The following JPH2 variants were observed in gnomAD, a reference collection of about 807,000 sequenced individuals.
JPH2 encodes the protein junctophilin 2, also known as junctophilin-2.
JPH2 carries 38 observed loss-of-function variants against 55.9 expected under a neutral mutation model. The ratio of observed to expected loss-of-function variants is 0.68; its 90% CI spans 0.52 to 0.89. JPH2 has a LOEUF of 0.89. JPH2 is among the 40% of genes least tolerant of loss of function. JPH2 has a pLI of 0.00. For missense variants in JPH2, 964 were observed against 1,037.6 expected (o/e 0.93, Z 0.97); for synonymous variants, 480 against 472.4 (o/e 1.02, Z -0.21).
In JPH2 at chr20:44,115,751, C is replaced by A; in HGVS notation, c.1924G>T (p.Ala642Ser). The change falls in exon 4 of 6, where the codon GCT (alanine) becomes TCT (serine). Residue 642 changes from alanine to serine, a missense_variant. Physicochemically the swap from Ala to Ser is moderately conservative, Grantham distance 99. Transcript: ENST00000372980. ...EPRAKARKTE[A>S]RGLTKAGAKK... Reference sequence around the variant, plus strand: ...GCCCCCGCCTTGGTCAGCCCTCGAGCCTCAGTCTTGCGGGCCTTGGCCCTG... The same window carrying A: ...GCCCCCGCCTTGGTCAGCCCTCGAGACTCAGTCTTGCGGGCCTTGGCCCTG... 6.2e-7 allele frequency: 1 copy of A among 1,613,200 alleles called. No individual in the cohort carries two copies. Among genetic ancestry groups the A allele is most frequent in the Non-Finnish European group, 8.5e-7 (1 of 1,179,974 alleles).
chr20:44,163,274 C>A (rs1052520358), intron 1 of JPH2, among the ~76,000 whole-genome samples: 1 of 152,132 alleles, frequency 6.6e-6, no homozygotes, highest in Non-Finnish European at 1.5e-5. Context: ...ATTGGGTGAC[C>A]TTGGCAATTC....
intron 1 of JPH2, among the ~76,000 whole-genome samples, chr20:44,170,233 C>A (rs1458073475): frequency 5.9e-5 from 9 of 152,252 alleles, no homozygotes; most frequent in Middle Eastern, 6.8e-3. Context: ...CTTCATAGCC[C>A]AGTTTCAAAC....
intron 2 of JPH2, among the ~76,000 whole-genome samples, chr20:44,130,741 C>T (rs191473159): frequency 4.8e-4 from 73 of 152,332 alleles, no homozygotes; most frequent in Non-Finnish European, 8.4e-4. Flanking sequence ...AGCAACAGTG[C>T]GCTGACGTCA....
In JPH2 at chr20:44,113,473, G is replaced by C. The variant is rs779621273; in HGVS notation, c.*45C>G. The stretch of plus-strand genomic sequence containing the variant: ...CCTGCCTGGCACTGCAAAAAGACGG[G>C]TCCTCATGTCCTCAGCAGGAACTTC... On this transcript the variant is annotated 3_prime_UTR_variant, in exon 6 of 6. Coordinates refer to ENST00000372980, the MANE Select transcript of JPH2 (RefSeq NM_020433.5). 1 of 152,138 alleles carries C rather than the reference G, an allele frequency of 6.6e-6. No individual in the cohort carries two copies. The highest frequency in any genetic ancestry group is 1.5e-5 in the Non-Finnish European group (1 of 68,102). 9.4% of individuals were successfully genotyped at this position (152,138 alleles called of 1,614,324 possible).
intron 2 of JPH2, among the ~76,000 whole-genome samples, chr20:44,123,659 T>A (rs1435885451): frequency 6.6e-6 from 1 of 152,220 alleles, no homozygotes; most frequent in Non-Finnish European, 1.5e-5. Flanking sequence ...GTGCCTCTCC[T>A]AATGCAGTCC....
At chr20:44,125,499 T>C (rs1380648344) in intron 2 of JPH2, among the ~76,000 whole-genome samples, 1 of 152,146 alleles carries the variant, frequency 6.6e-6, no homozygotes, top group Non-Finnish European at 1.5e-5. Flanking sequence ...CTGCCCAAGC[T>C]CTTACCCATG....
intron 1 of JPH2, among the ~76,000 whole-genome samples, chr20:44,170,501 A>T (rs1031982323): frequency 6.6e-6 from 1 of 152,234 alleles, no homozygotes; most frequent in Admixed American, 6.5e-5. Context: ...AGCATCAGAG[A>T]GTCCAGGGGT....
chr20:44,163,156 T>C (rs748980797), intron 1 of JPH2, among the ~76,000 whole-genome samples: 32 of 152,190 alleles, frequency 2.1e-4, no homozygotes, highest in Non-Finnish European at 4.0e-4. Flanking sequence ...TTTTCTATTT[T>C]GTTCTTGGAT....
chr20:44,124,309 C>A (rs546938651), intron 2 of JPH2, among the ~76,000 whole-genome samples: 2 of 152,056 alleles, frequency 1.3e-5, no homozygotes, highest in Admixed American at 6.5e-5. Flanking sequence ...GGACCCTCAC[C>A]GGACTTGCCC....
At chr20:44,146,134 C>T (rs58510125) in intron 2 of JPH2, among the ~76,000 whole-genome samples, 3 of 151,730 alleles carry the variant, frequency 2.0e-5, no homozygotes, top group Admixed American at 6.6e-5. Flanking sequence ...CCCGGGTTCA[C>T]GCCATTCTCC....
chr20:44,115,765 G>C lies in JPH2; in HGVS notation c.1910C>G (p.Ala637Gly). Reference protein sequence around the residue: ...IIPKAEPRAKARKTEARGLTK... With the variant: ...IIPKAEPRAKGRKTEARGLTK... Reference sequence around the variant, plus strand: ...CAGCCCTCGAGCCTCAGTCTTGCGGGCCTTGGCCCTGGGCTCGGCTTTGGG... The same window carrying C: ...CAGCCCTCGAGCCTCAGTCTTGCGGCCCTTGGCCCTGGGCTCGGCTTTGGG... Residue 637 changes from alanine (A) to glycine (G), a missense_variant, in exon 4 of 6, where the codon GCC (alanine) becomes GGC (glycine). Coordinates refer to ENST00000372980, the MANE Select transcript of JPH2 (RefSeq NM_020433.5). 1 of 1,612,440 alleles carries C rather than the reference G, an allele frequency of 6.2e-7. No homozygotes were observed. The highest frequency in any genetic ancestry group is 8.5e-7 in the Non-Finnish European group (1 of 1,179,950).
chr20:44,160,232 G>A lies in JPH2; in HGVS notation c.555C>T (p.Ser185=). 6.7e-7 allele frequency: 1 copy of A among 1,495,246 alleles called. No homozygotes were observed. The highest frequency in any genetic ancestry group is 8.9e-7 in the Non-Finnish European group (1 of 1,127,762). The allele number at this position is 1,495,246 out of a possible 1,614,324, so 92.6% of individuals were successfully genotyped here. The change falls in exon 2 of 6, where the codon TCC becomes TCT. Residue 185 remains serine (S), a synonymous_variant. Transcript: ENST00000372980. The surrounding 1 kb of genome is among the most constrained non-coding windows in gnomAD (Gnocchi z 4.9). The stretch of plus-strand genomic sequence containing the variant: ...CGGGCGAGGGCAGCGCGGGGCCGTC[G>A]GAGGCCGGCGAGGCGGGAGAGTCCG... ...VAPDSPASPA[S]DGPALPSPAI... is the part of the protein sequence containing the mutation.
intron 2 of JPH2, 55 bp from the exon 3 acceptor site, chr20:44,118,678 G>C: frequency 1.4e-6 from 2 of 1,389,794 alleles, no homozygotes; most frequent in South Asian, 2.3e-5. Flanking sequence ...CCAGCCTTCT[G>C]CCCCTTCTCC....
intron 2 of JPH2, among the ~76,000 whole-genome samples, chr20:44,132,355 GACACACACACACACACACACACAC>G (rs749014190): frequency 4.5e-4 from 46 of 101,292 alleles, no homozygotes; most frequent in Middle Eastern, 5.0e-3. Context: ...CAGACAGACA[GACACACACACACACACACACACAC>G]ACACACACAC....
At chr20:44,142,259 C>T (rs1268441832) in intron 2 of JPH2, among the ~76,000 whole-genome samples, 3 of 152,158 alleles carry the variant, frequency 2.0e-5, no homozygotes, top group East Asian at 1.9e-4. Context: ...TCCCAGCTAT[C>T]GAACACTTGA....
intron 1 of JPH2, 38 bp downstream of exon 1, chr20:44,186,289 G>A: frequency 1.2e-6 from 2 of 1,602,800 alleles, no homozygotes; most frequent in Non-Finnish European, 1.7e-6. Flanking sequence ...ACCCTCCCTG[G>A]CTCCACCCCA....
chr20:44,147,336 T>C (rs774694527), intron 2 of JPH2, among the ~76,000 whole-genome samples: 44 of 152,216 alleles, frequency 2.9e-4, no homozygotes, highest in Non-Finnish European at 4.9e-4. Flanking sequence ...CAAGAAAACA[T>C]GAAATGTTTT....
At chr20:44,135,288 C>A (rs2072402073) in intron 2 of JPH2, among the ~76,000 whole-genome samples, 1 of 152,120 alleles carries the variant, frequency 6.6e-6, no homozygotes, top group Non-Finnish European at 1.5e-5. Context: ...CATGTAACTT[C>A]ATGACTTAGC....
chr20:44,161,681 C>G (rs2072611151), intron 1 of JPH2, among the ~76,000 whole-genome samples: 2 of 152,118 alleles, frequency 1.3e-5, no homozygotes, highest in African/African-American at 4.8e-5. Context: ...CAAAGTTGTG[C>G]TCACGTGTGA....
Sources: allele counts gnomAD v4.1 joint callset (sites outside exome capture counted in the v4.1 genomes callset), GRCh38; gene constraint gnomAD v4.1.1; non-coding constraint Gnocchi (gnomAD v3.1); transcripts MANE v1.5; gene names NCBI Gene and HGNC (gene_info 2026-07-23, HGNC 2026-07-21).